The following ADGRL3 variants were observed in gnomAD, a reference collection of about 807,000 sequenced individuals.
ADGRL3 encodes the protein calcium-independent alpha-latrotoxin receptor 3.
Under a neutral mutation model 153.5 loss-of-function variants are expected in ADGRL3, and 62 were observed. The observed-to-expected ratio is 0.40, with a 90% CI of 0.33 to 0.50. The LOEUF is 0.50. Ranked by LOEUF, ADGRL3 falls within the 20% of genes least tolerant of loss-of-function variation. The pLI is 0.47. For missense variants in ADGRL3, 1,641 were observed against 1,859.4 expected, an observed-to-expected ratio of 0.88 and a Z score of 2.16; for synonymous variants, 710 against 672.5, an observed-to-expected ratio of 1.06 and a Z score of -0.86.
chr4:61,594,777 C>A (rs1354274479), intron 5 of ADGRL3, among the ~76,000 whole-genome samples: 1 of 152,150 alleles, frequency 6.6e-6, no homozygotes, highest in African/African-American at 2.4e-5. Flanking sequence ...TCCTCAGGCC[C>A]TGGGGAGTGT....
At chr4:61,758,150 C>T (rs1047572794) in intron 8 of ADGRL3, among the ~76,000 whole-genome samples, 2 of 152,116 alleles carry the variant, frequency 1.3e-5, no homozygotes, top group African/African-American at 4.8e-5. Context: ...GAGCTGAGTT[C>T]AATTCCTGGA....
At chr4:61,397,283 C>G (rs1350864319) in intron 2 of ADGRL3, among the ~76,000 whole-genome samples, 1 of 151,722 alleles carries the variant, frequency 6.6e-6, no homozygotes, top group Non-Finnish European at 1.5e-5. Flanking sequence ...AAATGAATTT[C>G]ACAATCATTC....
At position 61,721,856 on chromosome 4, in the gene ADGRL3, T is replaced by G. The variant is rs566333613; in HGVS notation, c.584-8766T>G. Among the ~76,000 whole-genome samples, 3 of 152,322 alleles carry G rather than the reference T, an allele frequency of 2.0e-5. No homozygotes were observed. The East Asian group carries it at 5.8e-4, about 29-fold the overall frequency. ...CTTCATGTAGGTTTTACAAAATGTT[T>G]GGCCTTTCAAATATGAATAGAAATT... On this transcript the variant is annotated intron_variant, in intron 6 of 26. Transcript: ENST00000683033.
intron 5 of ADGRL3, among the ~76,000 whole-genome samples, chr4:61,668,793 G>A (rs771463482): frequency 2.0e-5 from 3 of 152,130 alleles, no homozygotes; most frequent in Non-Finnish European, 4.4e-5. Context: ...TGAGGTGGGA[G>A]GATTGCTTGA....
intron 5 of ADGRL3, among the ~76,000 whole-genome samples, chr4:61,662,383 T>C (rs1289536211): frequency 6.6e-6 from 1 of 152,252 alleles, no homozygotes; most frequent in African/African-American, 2.4e-5. Flanking sequence ...CCCTGGCCTC[T>C]TCTCACATCA....
intron 5 of ADGRL3, among the ~76,000 whole-genome samples, chr4:61,647,415 G>T (rs548639360): frequency 8.0e-4 from 122 of 152,198 alleles, no homozygotes; most frequent in South Asian, 4.8e-3. Context: ...TAGAACTAGG[G>T]TTTGTCCCCA....
At chr4:61,657,558 C>T (rs1296243548) in intron 5 of ADGRL3, among the ~76,000 whole-genome samples, 1 of 151,790 alleles carries the variant, frequency 6.6e-6, no homozygotes, top group Non-Finnish European at 1.5e-5. Context: ...TATAAAAATT[C>T]TCATTTAACA....
At chr4:61,325,040 G>A (rs998970031) in intron 1 of ADGRL3, among the ~76,000 whole-genome samples, 4 of 152,106 alleles carry the variant, frequency 2.6e-5, no homozygotes, top group South Asian at 2.1e-4. Flanking sequence ...TAGGTCGGGC[G>A]CAGTGGCTCA....
intron 9 of ADGRL3, among the ~76,000 whole-genome samples, chr4:61,828,536 A>G (rs2148827592): frequency 6.6e-6 from 1 of 152,286 alleles, no homozygotes; most frequent in South Asian, 2.1e-4. Context: ...TTTAAAAGCA[A>G]ATCTTCAGAG....
chr4:61,620,231 T>C (rs2092403545), intron 5 of ADGRL3, among the ~76,000 whole-genome samples: 1 of 152,134 alleles, frequency 6.6e-6, no homozygotes, highest in Non-Finnish European at 1.5e-5. Flanking sequence ...TGAAGAGATT[T>C]TTAAGACATA....
intron 19 of ADGRL3, among the ~76,000 whole-genome samples, chr4:61,994,802 T>C (rs2099116126): frequency 6.6e-6 from 1 of 152,088 alleles, no homozygotes; most frequent in South Asian, 2.1e-4. Flanking sequence ...ATATTGTGTG[T>C]AGTTTTTAAT....
chr4:61,245,046 G>A (rs1241506686), intron 1 of ADGRL3, among the ~76,000 whole-genome samples: 1 of 152,026 alleles, frequency 6.6e-6, no homozygotes, highest in East Asian at 1.9e-4. Flanking sequence ...GCAAACTGGT[G>A]AGTGGGTTGG....
intron 9 of ADGRL3, among the ~76,000 whole-genome samples, chr4:61,861,502 T>C (rs184391440): frequency 1.4e-4 from 21 of 152,106 alleles, no homozygotes; most frequent in Non-Finnish European, 2.1e-4. Context: ...CAAGCCAAAA[T>C]AGATACAAAG....
chr4:61,638,718 T>G (rs184016449), intron 5 of ADGRL3, among the ~76,000 whole-genome samples: 2 of 152,306 alleles, frequency 1.3e-5, no homozygotes, highest in Admixed American at 6.5e-5. Flanking sequence ...TACTCTAAGT[T>G]AAACAGGAAA....
chr4:61,266,270 G>GCTTTGGGACT (rs6148472), intron 1 of ADGRL3, among the ~76,000 whole-genome samples: 2 of 151,224 alleles, frequency 1.3e-5, no homozygotes, highest in African/African-American at 4.8e-5. Context: ...TGATCTTTCT[G>GCTTTGGGACT]ACTTTAGACA....
In ADGRL3 at chr4:61,757,313, A is replaced by C. The variant is rs866103299; in HGVS notation, c.1399+23759A>C. ...CAATTTCAGAGCCTGTTATTGGTCTATTCAGAGATTCAACTTTTTCCTGGT... is the reference window on the plus strand; with the variant it reads ...CAATTTCAGAGCCTGTTATTGGTCTCTTCAGAGATTCAACTTTTTCCTGGT... On this transcript the variant is annotated intron_variant, in intron 8 of 26. Transcript: ENST00000683033. 3.2e-4 allele frequency among the ~76,000 whole-genome samples: 49 copies of C among 152,304 alleles called. 1 individual carries two copies. The highest frequency in any genetic ancestry group is 1.2e-3 in the African/African-American group (48 of 41,560).
chr4:61,302,482 G>A (rs2094610892), intron 1 of ADGRL3, among the ~76,000 whole-genome samples: 1 of 151,952 alleles, frequency 6.6e-6, no homozygotes, highest in Non-Finnish European at 1.5e-5. Flanking sequence ...GTGGAACTGA[G>A]CATTATTTAC....
intron 2 of ADGRL3, among the ~76,000 whole-genome samples, chr4:61,453,467 C>A (rs544139444): frequency 4.6e-5 from 7 of 152,040 alleles, no homozygotes; most frequent in African/African-American, 4.8e-5. Context: ...GTGTTCCGGG[C>A]ACACCTCCTG....
At chr4:61,345,926 C>T (rs1202749000) in intron 1 of ADGRL3, among the ~76,000 whole-genome samples, 2 of 152,004 alleles carry the variant, frequency 1.3e-5, no homozygotes, top group African/African-American at 2.4e-5. Context: ...GAAAAAATAC[C>T]ATGTTGGGGT....
Sources: gnomAD v4.1 joint callset for allele counts (sites outside exome capture counted in the v4.1 genomes callset) on GRCh38, gnomAD v4.1.1 for gene constraint, MANE v1.5 for transcripts, NCBI Gene and HGNC (gene_info 2026-07-23, HGNC 2026-07-21) for gene names.